DMD: variants seen among roughly 807,000 people sequenced by gnomAD.
DMD encodes dystrophin.
A neutral mutation model predicts 330.1 loss-of-function variants in DMD; 63 were observed. The ratio of observed to expected loss-of-function variants is 0.19; its 90% CI spans 0.16 to 0.24. DMD has a LOEUF of 0.24. Ranked by LOEUF, DMD falls within the 10% of genes least tolerant of loss-of-function variation. The pLI, the probability that DMD is intolerant of heterozygous loss-of-function variation, is 1.00. For synonymous variants in DMD, 1,223 were observed against 959.8 expected (o/e 1.27, Z -5.07); for missense variants, 3,344 against 2,684.1 (o/e 1.25, Z -5.43).
intron 12 of DMD, among the ~76,000 whole-genome samples, chrX:32,605,487 G>A (rs2056615605): frequency 1.8e-5 from 2 of 109,557 alleles, no homozygotes; most frequent in Non-Finnish European, 3.8e-5. Context: ...CTCGACACTG[G>A]CTTGGGCAAA....
intron 39 of DMD, among the ~76,000 whole-genome samples, chrX:32,344,592 G>A (rs766103314): frequency 9.0e-6 from 1 of 111,316 alleles, no homozygotes; most frequent in Non-Finnish European, 1.9e-5. Flanking sequence ...AATTAGAGTT[G>A]AGCCATGCCT....
At chrX:32,201,471 C>A (rs1300171783) in intron 44 of DMD, among the ~76,000 whole-genome samples, 2 of 30,004 alleles carry the variant, frequency 6.7e-5, no homozygotes, top group Non-Finnish European at 6.3e-5. Context: ...ATTCAAACAC[C>A]CCCCCCCCCC....
At chrX:33,282,299 A>C (rs1010483938) in intron 1 of DMD, among the ~76,000 whole-genome samples, 1 of 111,804 alleles carries the variant, frequency 8.9e-6, no homozygotes, top group Non-Finnish European at 1.9e-5. Flanking sequence ...TAGTTAGGAC[A>C]CTTGTGGCAA....
chrX:31,624,288 G>A (rs751107284), intron 55 of DMD, among the ~76,000 whole-genome samples: 2 of 111,367 alleles, frequency 1.8e-5, no homozygotes, highest in South Asian at 7.6e-4. Context: ...CAAGGACGAC[G>A]GTAAAGTTCT....
intron 16 of DMD, among the ~76,000 whole-genome samples, chrX:32,554,912 AG>A (rs2050082768): frequency 2.0e-5 from 1 of 49,475 alleles, no homozygotes; most frequent in African/African-American, 8.0e-5. Context: ...AAAGAAAGAA[AG>A]AAAGAAAGAA....
chrX:33,163,825 T>G, intron 1 of DMD, among the ~76,000 whole-genome samples: 1 of 110,216 alleles, frequency 9.1e-6, no homozygotes, highest in Admixed American at 9.8e-5. Flanking sequence ...TCATGTTTTC[T>G]AAGCCAATAT....
chrX:31,810,610 A>C (rs1202033270), intron 50 of DMD, among the ~76,000 whole-genome samples: 2 of 111,965 alleles, frequency 1.8e-5, no homozygotes, highest in Admixed American at 9.5e-5. Flanking sequence ...AGATAGTGGA[A>C]AAGAAAGAAT....
intron 2 of DMD, among the ~76,000 whole-genome samples, chrX:32,887,770 A>AAAAAAAAAAAAAAAAACAAAAAAC: frequency 1.4e-5 from 1 of 70,337 alleles, no homozygotes; most frequent in African/African-American, 5.3e-5. Context: ...AAAAAAAAAA[A>AAAAAAAAAAAAAAAAACAAAAAAC]AAAAAACATC....
At chrX:32,286,781 G>T (rs1373234310) in intron 43 of DMD, among the ~76,000 whole-genome samples, 1 of 111,425 alleles carries the variant, frequency 9.0e-6, no homozygotes, top group Non-Finnish European at 1.9e-5. Context: ...TACCATGGAG[G>T]TTCCCTATAA....
intron 44 of DMD, among the ~76,000 whole-genome samples, chrX:32,145,068 C>T (rs772098292): frequency 8.9e-6 from 1 of 111,801 alleles, no homozygotes; most frequent in East Asian, 2.8e-4. Flanking sequence ...CAAATTCACA[C>T]TTTGAAATCT....
intron 62 of DMD, among the ~76,000 whole-genome samples, chrX:31,299,479 G>A (rs746528346): frequency 4.5e-4 from 50 of 111,799 alleles, no homozygotes; most frequent in African/African-American, 1.6e-3. Flanking sequence ...CTAATTGTTC[G>A]TTTAGAAAAT....
intron 1 of DMD, among the ~76,000 whole-genome samples, chrX:33,066,740 A>G (rs2094668419): frequency 9.0e-6 from 1 of 111,452 alleles, no homozygotes; most frequent in South Asian, 3.7e-4. Flanking sequence ...ATGCATAAGA[A>G]TGCATATTTT....
chrX:33,135,764 TG>T (rs1416738283), intron 1 of DMD, among the ~76,000 whole-genome samples: 1 of 112,221 alleles, frequency 8.9e-6, no homozygotes. Flanking sequence ...ATTTTTAAAA[TG>T]GTCTAATAAC....
At chrX:31,886,681 G>A (rs1187930617) in intron 47 of DMD, among the ~76,000 whole-genome samples, 2 of 111,641 alleles carry the variant, frequency 1.8e-5, no homozygotes, top group African/African-American at 3.3e-5. Flanking sequence ...GGTGAATTGG[G>A]TCTTCTCATT....
intron 11 of DMD, among the ~76,000 whole-genome samples, chrX:32,615,312 C>T (rs1260335750): frequency 9.0e-6 from 1 of 111,126 alleles, no homozygotes; most frequent in African/African-American, 3.3e-5. Context: ...ATTTAAAGTC[C>T]AAAGGCCTAG....
rs777544627 is a variant in DMD at position 33,249,322 on chromosome X, TGTATTTTCA to T, written c.7+89928_7+89936del. ...TCTGCCACCACACCTGGCTAATTTT[TGTATTTTCA>T]GTAGAGACCGGGTTTCACCACGTTG... On this transcript the variant is annotated intron_variant, in intron 1 of 17. Coordinates refer to the DMD transcript ENST00000288447. Among the ~76,000 whole-genome samples the T allele has an allele frequency of 2.2e-4, 24 of 110,953 alleles. 1 individual carries two copies. The South Asian group carries it at 9.2e-3, about 43-fold the overall frequency.
intron 60 of DMD, among the ~76,000 whole-genome samples, chrX:31,423,244 T>C (rs1442674424): frequency 8.9e-6 from 1 of 111,914 alleles, no homozygotes; most frequent in Non-Finnish European, 1.9e-5. Flanking sequence ...TTTGCTGTGA[T>C]ACTTAAGCAA....
intron 2 of DMD, among the ~76,000 whole-genome samples, chrX:32,850,098 T>C (rs2081015657): frequency 1.8e-5 from 2 of 111,849 alleles, no homozygotes; most frequent in Non-Finnish European, 3.8e-5. Context: ...ATATAGATTC[T>C]ATGAAGGAGA....
At chrX:33,263,024 C>G (rs2052984722) in intron 1 of DMD, among the ~76,000 whole-genome samples, 1 of 110,151 alleles carries the variant, frequency 9.1e-6, no homozygotes, top group Non-Finnish European at 1.9e-5. Flanking sequence ...GTGTCAATAT[C>G]TAGTTGATAA....
Sources: gnomAD v4.1 joint callset for allele counts (sites outside exome capture counted in the v4.1 genomes callset) on GRCh38, gnomAD v4.1.1 for gene constraint, MANE v1.5 for transcripts, NCBI Gene and HGNC (gene_info 2026-07-23, HGNC 2026-07-21) for gene names.